WDFY4: variants seen among roughly 807,000 people sequenced by gnomAD.
WDFY4 encodes the protein WD repeat- and FYVE domain-containing protein 4.
A neutral mutation model predicts 351.9 loss-of-function variants in WDFY4; 169 were observed. The observed-to-expected ratio is 0.48, with a 90% CI of 0.42 to 0.55. The LOEUF is 0.55. Among genes scored for constraint, WDFY4 ranks in the 20% least tolerant of loss-of-function variants. WDFY4 has a pLI of 0.00. For missense variants in WDFY4, 3,803 were observed against 3,935.6 expected (o/e 0.97, Z 0.90); for synonymous variants, 1,622 against 1,574.6 (o/e 1.03, Z -0.71).
In WDFY4 at chr10:48,970,157, T is replaced by C. The variant is rs902143205; in HGVS notation, c.8796T>C (p.Ala2932=). 7.7e-6 allele frequency: 12 copies of C among 1,551,594 alleles called. No homozygotes were observed. Among genetic ancestry groups the C allele is most frequent in the Admixed American group, 5.9e-5 (3 of 50,992 alleles). The change falls in exon 57 of 62, where the codon GCT becomes GCC. Residue 2932 remains alanine, a synonymous_variant. Coordinates refer to ENST00000325239, the MANE Select transcript of WDFY4 (RefSeq NM_001394531.1). The part of the protein sequence containing the change: ...DKVLMTFENL[A]AWGRCLCAVC... ...TCCTGATGACATTCGAGAACCTGGC[T>C]GCCTGGGGCCGCTGTCTGTGCGCCG...
intron 39 of WDFY4, among the ~76,000 whole-genome samples, chr10:48,844,327 C>T (rs977714828): frequency 6.6e-6 from 1 of 152,058 alleles, no homozygotes; most frequent in African/African-American, 2.4e-5. Flanking sequence ...TGCAGTGGCT[C>T]ACACTTGTAA....
chr10:48,865,638 G>T (rs192577474), intron 39 of WDFY4, among the ~76,000 whole-genome samples: 1 of 152,208 alleles, frequency 6.6e-6, no homozygotes, highest in African/African-American at 2.4e-5. Flanking sequence ...AAAAACTGCC[G>T]TGAATTCTTC....
intron 13 of WDFY4, among the ~76,000 whole-genome samples, chr10:48,760,831 G>A (rs1423477243): frequency 6.6e-6 from 1 of 152,160 alleles, no homozygotes; most frequent in African/African-American, 2.4e-5. Context: ...TGAGATCCTG[G>A]CCCTGTGCTC....
chr10:48,747,742 A>G (rs1023150635), intron 12 of WDFY4, among the ~76,000 whole-genome samples: 1 of 151,870 alleles, frequency 6.6e-6, no homozygotes, highest in African/African-American at 2.4e-5. Flanking sequence ...CCTTTCTCAT[A>G]TCTTTCATTT....
At chr10:48,926,495 C>T (rs971970890) in intron 47 of WDFY4, among the ~76,000 whole-genome samples, 5 of 152,188 alleles carry the variant, frequency 3.3e-5, no homozygotes, top group African/African-American at 1.2e-4. Context: ...GAGAGGCAGC[C>T]TTAGCCAAAG....
chr10:48,698,841 A>G (rs1206193384), intron 1 of WDFY4, among the ~76,000 whole-genome samples: 1 of 152,212 alleles, frequency 6.6e-6, no homozygotes. Context: ...GTGTGTAGGC[A>G]GAGAGACATT....
chr10:48,897,699 C>T (rs1220346677), intron 45 of WDFY4, 125 bp downstream of exon 45: 4 of 1,406,736 alleles, frequency 2.8e-6, no homozygotes, highest in Non-Finnish European at 3.7e-6. Context: ...CAGCCCAGTG[C>T]CCTTAAGGAG....
rs1400421839 is a variant in WDFY4, at chr10:48,946,962, C to G, written c.7970C>G (p.Ala2657Gly). Residue 2657 changes from alanine to glycine, a missense_variant, in exon 51 of 62, where the codon GCT becomes GGT. This residue lies in a region of WDFY4 where 3,054 missense variants were observed against 3,148.6 expected (regional missense o/e 0.97). Transcript: ENST00000325239. ...CCACCCTTCACCCAGGCCTTCTGCG[C>G]TCTGCAGGTGAGCTGCTGCCACTCT... Reference protein sequence around the residue: ...RMPPFTQAFCALQGGSFDVAD... With the variant: ...RMPPFTQAFCGLQGGSFDVAD... 6.5e-7 allele frequency: 1 copy of G among 1,549,840 alleles called. No individual in the cohort carries two copies. The highest frequency in any genetic ancestry group is 8.7e-7 in the Non-Finnish European group (1 of 1,146,456).
Position 48,689,375 on chromosome 10 carries a change from C to T in WDFY4, c.-18+4374C>T, listed in dbSNP as rs552327806. 2.0e-5 allele frequency among the ~76,000 whole-genome samples: 3 copies of T among 152,202 alleles called. No individual in the cohort carries two copies. The East Asian group carries it at 5.8e-4, about 29-fold the overall frequency. On this transcript the variant is annotated intron_variant, in intron 1 of 61. Coordinates refer to ENST00000325239, the MANE Select transcript of WDFY4 (RefSeq NM_001394531.1). ...GCCACTAGCCATACTTGAAATGTAG[C>T]CGATGTGAATTGAGATGCACTGTAA...
chr10:48,897,108 G>A (rs974687554), intron 44 of WDFY4, among the ~76,000 whole-genome samples: 2 of 152,150 alleles, frequency 1.3e-5, no homozygotes, highest in Non-Finnish European at 2.9e-5. Context: ...TCACCCAGGG[G>A]CCTTCTCACC....
At chr10:48,735,808 T>C (rs2064640481) in intron 10 of WDFY4, 72 bp from the exon 11 acceptor site, 10 of 1,375,628 alleles carry the variant, frequency 7.3e-6, no homozygotes, top group Middle Eastern at 2.3e-4. Flanking sequence ...AGACAAAGCT[T>C]TTCTTTTGAT....
intron 12 of WDFY4, among the ~76,000 whole-genome samples, chr10:48,747,740 A>G (rs1013555263): frequency 1.3e-5 from 2 of 151,852 alleles, no homozygotes; most frequent in African/African-American, 4.8e-5. Flanking sequence ...TTCCTTTCTC[A>G]TATCTTTCAT....
intron 12 of WDFY4, 38 bp downstream of exon 12, chr10:48,743,586 G>T: frequency 6.6e-7 from 1 of 1,508,346 alleles, no homozygotes; most frequent in South Asian, 1.2e-5. Context: ...GTGCATCTCT[G>T]TCTCCCATTC....
rs564449117 is a variant in WDFY4 at position 48,813,962 on chromosome 10, C to A, written c.5220C>A (p.Ser1740Arg). ...GCTCCTGCCTCCTCTTCCAGGACAGCCTTGATGCCATGCTTCAGTGGCTCC... is the reference window on the plus strand; with the variant it reads ...GCTCCTGCCTCCTCTTCCAGGACAGACTTGATGCCATGCTTCAGTGGCTCC... ...LTELMDGPKD[S>R]LDAMLQWLLQ... is the part of the protein sequence containing the mutation. The change falls in exon 31 of 62, where the codon AGC becomes AGA. Residue 1740 changes from serine (S) to arginine (R), a missense_variant. Coordinates refer to ENST00000325239, the MANE Select transcript of WDFY4 (RefSeq NM_001394531.1). The A allele has an allele frequency of 5.2e-6, 8 of 1,546,528 alleles. No homozygotes were observed. The South Asian group carries it at 9.6e-5, about 18-fold the overall frequency.
At chr10:48,955,154 G>A (rs947023723) in intron 51 of WDFY4, among the ~76,000 whole-genome samples, 3 of 152,328 alleles carry the variant, frequency 2.0e-5, no homozygotes, top group Admixed American at 2.0e-4. Context: ...ACATTTCAAT[G>A]AGTGACTCGT....
intron 47 of WDFY4, among the ~76,000 whole-genome samples, chr10:48,926,483 CA>C (rs1248543324): frequency 6.6e-6 from 1 of 152,194 alleles, no homozygotes. Context: ...ATTGAGGAGA[CA>C]GAGAGGCAGC....
At chr10:48,911,106 G>A (rs1837960380) in intron 47 of WDFY4, among the ~76,000 whole-genome samples, 1 of 152,162 alleles carries the variant, frequency 6.6e-6, no homozygotes, top group Non-Finnish European at 1.5e-5. Flanking sequence ...ATAGCAGATT[G>A]GCTCCCTTAT....
chr10:48,799,981 G>A (rs995968510), intron 24 of WDFY4, among the ~76,000 whole-genome samples: 1 of 152,052 alleles, frequency 6.6e-6, no homozygotes, highest in Non-Finnish European at 1.5e-5. Flanking sequence ...TGTCTCATGG[G>A]TTCAAGTGAT....
At chr10:48,769,697 G>A (rs1332763102) in intron 13 of WDFY4, among the ~76,000 whole-genome samples, 1 of 152,172 alleles carries the variant, frequency 6.6e-6, no homozygotes, top group African/African-American at 2.4e-5. Flanking sequence ...CTCTTTAGGG[G>A]ACCTATTGCT....
Sources: allele counts gnomAD v4.1 joint callset (sites outside exome capture counted in the v4.1 genomes callset), GRCh38; gene constraint gnomAD v4.1.1; regional missense constraint gnomAD v4.1.1; transcripts MANE v1.5; gene names NCBI Gene and HGNC (gene_info 2026-07-23, HGNC 2026-07-21).